Variants in SPON1 observed in about 807,000 individuals in gnomAD.
SPON1 encodes spondin 1.
SPON1 carries 52 observed loss-of-function variants against 111.7 expected under a neutral mutation model. The ratio of observed to expected loss-of-function variants is 0.47; its 90% confidence interval spans 0.37 to 0.59. The LOEUF (loss-of-function observed/expected upper bound fraction) is 0.59. SPON1 is among the 20% of genes least tolerant of loss of function. The pLI is 0.00. For synonymous variants in SPON1, 410 were observed against 395.8 expected (o/e 1.04, Z -0.43); for missense variants, 957 against 1,068.5 (o/e 0.90, Z 1.46).
chr11:14,260,576 T>A lies in SPON1; in HGVS notation c.1832-12T>A, dbSNP rs782204149. 1.9e-6 allele frequency: 3 copies of A among 1,609,822 alleles called. No individual in the cohort carries two copies. Among genetic ancestry groups the A allele is most frequent in the Non-Finnish European group, 2.5e-6 (3 of 1,177,042 alleles). ...AACCTGTTCTCAGTGGCAAACCTGG[T>A]TCTTGATCTAGACACCATCCCATGC... On this transcript the variant is annotated splice_polypyrimidine_tract_variant and intron_variant, in intron 13 of 15. Transcript: ENST00000576479.
chr11:14,072,252 T>C (rs1208168114), intron 3 of SPON1, among the ~76,000 whole-genome samples: 1 of 152,054 alleles, frequency 6.6e-6, no homozygotes, highest in Admixed American at 6.6e-5. Context: ...ACAACAATTA[T>C]TAAAAAGAGG....
intron 2 of SPON1, among the ~76,000 whole-genome samples, chr11:14,010,912 G>C (rs1180596496): frequency 2.6e-5 from 4 of 152,200 alleles, no homozygotes; most frequent in African/African-American, 9.7e-5. Context: ...TCCAGCCAGA[G>C]AAAAATAAAA....
intron 2 of SPON1, among the ~76,000 whole-genome samples, chr11:14,033,302 TACGTGG>T (rs2133809595): frequency 6.6e-6 from 1 of 152,356 alleles, no homozygotes; most frequent in East Asian, 1.9e-4. Flanking sequence ...AGATGCCACT[TACGTGG>T]ACTTTGGAAT....
intron 6 of SPON1, among the ~76,000 whole-genome samples, chr11:14,160,969 A>C (rs1847938714): frequency 6.5e-5 from 4 of 61,210 alleles, no homozygotes; most frequent in African/African-American, 2.5e-4. Flanking sequence ...ATATTTATAT[A>C]TATTTTTATA....
chr11:14,188,763 C>G (rs139694689), intron 6 of SPON1, among the ~76,000 whole-genome samples: 5 of 152,268 alleles, frequency 3.3e-5, no homozygotes, highest in African/African-American at 1.2e-4. Flanking sequence ...TCCTTAATCT[C>G]TCTGAGCCTG....
intron 3 of SPON1, among the ~76,000 whole-genome samples, chr11:14,064,255 TTAAA>T (rs1457034692): frequency 1.3e-5 from 2 of 152,104 alleles, no homozygotes; most frequent in Non-Finnish European, 2.9e-5. Flanking sequence ...ATACAAGATA[TTAAA>T]TAAAGTTCAA....
At chr11:14,118,710 G>A (rs564506719) in intron 5 of SPON1, among the ~76,000 whole-genome samples, 15 of 152,246 alleles carry the variant, frequency 9.9e-5, no homozygotes, top group African/African-American at 3.6e-4. Flanking sequence ...ACTAATCCCG[G>A]TGACAGGCAT....
intron 5 of SPON1, among the ~76,000 whole-genome samples, chr11:14,093,154 G>A (rs1183104670): frequency 6.6e-6 from 1 of 152,218 alleles, no homozygotes. Context: ...GGAGTTCATG[G>A]ACCTTAAAGT....
chr11:14,234,893 C>G (rs1225849638), intron 6 of SPON1, among the ~76,000 whole-genome samples: 2 of 152,218 alleles, frequency 1.3e-5, no homozygotes, highest in Non-Finnish European at 2.9e-5. Flanking sequence ...GCTTCAGATA[C>G]TTTCTCTTGC....
chr11:14,135,618 G>C lies in SPON1; in HGVS notation c.825+50G>C. Reference sequence around the variant, plus strand: ...ACCAAATAACAGAAATGCAGTCAAAGCACTCCTTAGATATCTTTCCCAGGG... The same window carrying C: ...ACCAAATAACAGAAATGCAGTCAAACCACTCCTTAGATATCTTTCCCAGGG... On this transcript the variant is annotated intron_variant, in intron 6 of 15. Transcript: ENST00000576479. This position sits in a 1 kb window ranked among gnomAD's most constrained non-coding sequence, Gnocchi z 4.4. 6.3e-7 allele frequency: 1 copy of C among 1,576,538 alleles called. No homozygotes were observed. Among genetic ancestry groups the C allele is most frequent in the Non-Finnish European group, 8.7e-7 (1 of 1,151,246 alleles).
intron 2 of SPON1, among the ~76,000 whole-genome samples, chr11:14,033,805 T>C (rs568447518): frequency 3.2e-4 from 49 of 152,304 alleles, no homozygotes; most frequent in African/African-American, 1.1e-3. Flanking sequence ...TGTCTACCTG[T>C]CTAAACTTGG....
intron 2 of SPON1, among the ~76,000 whole-genome samples, chr11:14,012,288 C>G (rs1423342991): frequency 6.6e-6 from 1 of 152,124 alleles, no homozygotes; most frequent in African/African-American, 2.4e-5. Flanking sequence ...CAGACACCTC[C>G]CATCCTAACA....
intron 1 of SPON1, among the ~76,000 whole-genome samples, chr11:13,978,663 A>T (rs1185529037): frequency 6.6e-6 from 1 of 152,244 alleles, no homozygotes; most frequent in African/African-American, 2.4e-5. Context: ...GAGAAAAGGC[A>T]TGCAGGTCTT....
chr11:13,974,532 G>A (rs1848087539), intron 1 of SPON1, among the ~76,000 whole-genome samples: 1 of 152,174 alleles, frequency 6.6e-6, no homozygotes, highest in African/African-American at 2.4e-5. Flanking sequence ...GAAAGACCCA[G>A]AAAGCTATTT....
chr11:14,083,365 T>C (rs1333722157), intron 5 of SPON1, among the ~76,000 whole-genome samples: 2 of 152,200 alleles, frequency 1.3e-5, no homozygotes, highest in East Asian at 3.8e-4. Flanking sequence ...TATGGCTATG[T>C]AATTGGAAAA....
rs782206352 is a variant in SPON1, at chr11:14,259,355, C to T, written c.1568C>T (p.Ser523Phe). The change falls in exon 12 of 16, where the codon TCC (serine) becomes TTC (phenylalanine). Residue 523 changes from serine (S) to phenylalanine (F), a missense_variant. Physicochemically the swap from Ser to Phe is radical, Grantham distance 155. Transcript: ENST00000576479. The surrounding 1 kb of genome is among the most constrained non-coding windows in gnomAD (Gnocchi z 5.0). ...CSISCGMGMR[S>F]RERYVKQFPE... ...ATCTCCTGCGGCATGGGCATGAGGT[C>T]CCGGGAGAGGTATGTGAAGCAGTTC... 3 of 1,611,876 alleles carry T rather than the reference C, an allele frequency of 1.9e-6. No individual in the cohort carries two copies. The highest frequency in any genetic ancestry group is 1.7e-4 in the Middle Eastern group (1 of 6,054).
intron 2 of SPON1, among the ~76,000 whole-genome samples, chr11:14,034,000 A>T (rs967505955): frequency 1.3e-5 from 2 of 151,814 alleles, no homozygotes. Context: ...TATCATTGGA[A>T]TGTTGTAATT....
chr11:14,093,490 A>T (rs1468486789), intron 5 of SPON1, among the ~76,000 whole-genome samples: 1 of 152,224 alleles, frequency 6.6e-6, no homozygotes, highest in Non-Finnish European at 1.5e-5. Context: ...ATCGGTTTTA[A>T]TGCTGTTTAA....
At chr11:13,992,175 C>G (rs1238442934) in intron 2 of SPON1, among the ~76,000 whole-genome samples, 1 of 152,224 alleles carries the variant, frequency 6.6e-6, no homozygotes, top group Non-Finnish European at 1.5e-5. Context: ...CCCCTTTCCC[C>G]AGGTGCTCTG....
Sources: allele counts gnomAD v4.1 joint callset (sites outside exome capture counted in the v4.1 genomes callset), GRCh38; gene constraint gnomAD v4.1.1; non-coding constraint Gnocchi (gnomAD v3.1); transcripts MANE v1.5; gene names NCBI Gene and HGNC (gene_info 2026-07-23, HGNC 2026-07-21).